SI: variants seen among roughly 807,000 people sequenced by gnomAD.
The protein encoded by SI is sucrase-isomaltase, intestinal.
In SI, 235 loss-of-function variants were observed where a neutral mutation model predicts 253.3. That is an observed-to-expected ratio of 0.93 (90% CI 0.83 to 1.03). SI has a LOEUF of 1.03. SI is among the 50% of genes least tolerant of loss of function. SI has a pLI of 0.00. For missense variants in SI, 2,442 were observed against 2,211.1 expected (o/e 1.10, Z -2.09); for synonymous variants, 819 against 712.0 (o/e 1.15, Z -2.39).
chr3:165,077,529 G>C lies in SI; in HGVS notation c.-1+904C>G, dbSNP rs140038509. On this transcript the variant is annotated intron_variant, in intron 1 of 47. Coordinates refer to ENST00000264382, the MANE Select transcript of SI (RefSeq NM_001041.4). Reference sequence around the variant, plus strand: ...ATTTATTCTTAGTATACAATTTTCTGTTCCAGATATGTAAGCTGTTTATTG... The same window carrying C: ...ATTTATTCTTAGTATACAATTTTCTCTTCCAGATATGTAAGCTGTTTATTG... Among the ~76,000 whole-genome samples, 301 of 151,716 alleles carry C rather than the reference G, an allele frequency of 2.0e-3. 7 individuals carry two copies. The highest frequency in any genetic ancestry group is 0.015 in the Admixed American group (233 of 15,176).
intron 25 of SI, among the ~76,000 whole-genome samples, chr3:165,025,188 A>G (rs1396308626): frequency 4.0e-5 from 6 of 151,164 alleles, no homozygotes; most frequent in Non-Finnish European, 1.5e-5. Flanking sequence ...ATGCTACCAC[A>G]TGGCCTTAAA....
intron 16 of SI, 100 bp from the exon 17 acceptor site, chr3:165,043,275 A>C (rs1712942467): frequency 2.6e-6 from 2 of 783,318 alleles, no homozygotes; most frequent in Admixed American, 4.3e-5. Context: ...CCTTATATAC[A>C]ATTTGTTTTA....
upstream of SI, among the ~76,000 whole-genome samples, chr3:165,078,668 A>G (rs1715155560): frequency 6.6e-6 from 1 of 151,662 alleles, no homozygotes; most frequent in Non-Finnish European, 1.5e-5. Flanking sequence ...TTAATTAGTA[A>G]TTGTACTGTC....
intron 3 of SI, among the ~76,000 whole-genome samples, chr3:165,071,117 C>T (rs970778848): frequency 3.9e-5 from 6 of 152,068 alleles, no homozygotes; most frequent in Non-Finnish European, 4.4e-5. Context: ...TAACTAATTG[C>T]TTCTGGAAAA....
chr3:165,055,544 T>C (rs1713655446), intron 12 of SI, among the ~76,000 whole-genome samples: 4 of 151,992 alleles, frequency 2.6e-5, no homozygotes, highest in South Asian at 2.1e-4. Flanking sequence ...TATCAGAACA[T>C]GGTATAAGGC....
In SI at chr3:165,045,997, C is replaced by T. The variant is rs563369869; in HGVS notation, c.1887+844G>A. Among the ~76,000 whole-genome samples the T allele has an allele frequency of 1.4e-3, 209 of 151,472 alleles. 1 individual carries two copies. The highest frequency in any genetic ancestry group is 5.0e-3 in the African/African-American group (205 of 41,298). ...TACAGGTGCCTGCCATCATGCCCGT[C>T]TTTTGGTATTTTTGGTAGAGACAGG... On this transcript the variant is annotated intron_variant, in intron 16 of 47. Transcript: ENST00000264382.
intron 37 of SI, among the ~76,000 whole-genome samples, chr3:165,004,555 A>G (rs1718411737): frequency 6.6e-6 from 1 of 152,182 alleles, no homozygotes; most frequent in African/African-American, 2.4e-5. Flanking sequence ...GTCCATCAAC[A>G]GATGATTAGA....
chr3:164,986,631 T>G (rs77931614), intron 45 of SI, among the ~76,000 whole-genome samples: 7,339 of 152,260 alleles, frequency 0.048, 601 homozygotes, highest in African/African-American at 0.17. Flanking sequence ...AGGTTCCTGT[T>G]TTACATAAAA....
chr3:165,050,153 C>T (rs1178822615), intron 13 of SI, among the ~76,000 whole-genome samples: 1 of 152,046 alleles, frequency 6.6e-6, no homozygotes, highest in Admixed American at 6.6e-5. Flanking sequence ...TAAGTCATTT[C>T]TAAATAGCTG....
chr3:164,980,925 T>C (rs1238214315), intron 47 of SI, among the ~76,000 whole-genome samples: 2 of 152,020 alleles, frequency 1.3e-5, no homozygotes, highest in Non-Finnish European at 2.9e-5. Flanking sequence ...CTTTATCTGA[T>C]TGAACATTGG....
intron 40 of SI, among the ~76,000 whole-genome samples, chr3:164,996,201 C>T (rs1234077825): frequency 2.0e-5 from 3 of 151,718 alleles, no homozygotes; most frequent in African/African-American, 7.3e-5. Context: ...TTACTATAGG[C>T]AGAGCACATC....
intron 24 of SI, 91 bp from the exon 25 acceptor site, chr3:165,030,958 T>TA (rs1219281255): frequency 6.2e-6 from 9 of 1,443,072 alleles, no homozygotes; most frequent in Non-Finnish European, 7.3e-6. Context: ...TTGGATGATT[T>TA]AAAAAAACAT....
At chr3:164,980,502 AC>A (rs1410029947) in intron 47 of SI, among the ~76,000 whole-genome samples, 1 of 151,894 alleles carries the variant, frequency 6.6e-6, no homozygotes, top group African/African-American at 2.4e-5. Flanking sequence ...AAAGAAATTG[AC>A]CATCCTCTCT....
chr3:165,079,827 A>T (rs879657042), upstream of SI, among the ~76,000 whole-genome samples: 4 of 151,974 alleles, frequency 2.6e-5, no homozygotes, highest in Non-Finnish European at 4.4e-5. Flanking sequence ...AGATAGCTAG[A>T]TTATCAATTA....
intron 15 of SI, among the ~76,000 whole-genome samples, chr3:165,048,582 T>TAGAG (rs773093036): frequency 0.025 from 2,783 of 111,556 alleles, 22 homozygotes; most frequent in Middle Eastern, 0.035. Context: ...TATATATATA[T>TAGAG]ATAGAGAGAG....
chr3:165,001,400 A>G (rs1295303928), intron 37 of SI, among the ~76,000 whole-genome samples: 2 of 151,488 alleles, frequency 1.3e-5, no homozygotes, highest in East Asian at 3.9e-4. Flanking sequence ...AATTTTCCCA[A>G]CTCACATTTC....
At chr3:164,996,167 C>T (rs2108134466) in intron 40 of SI, among the ~76,000 whole-genome samples, 1 of 151,852 alleles carries the variant, frequency 6.6e-6, no homozygotes, top group South Asian at 2.1e-4. Context: ...GATTTCACAG[C>T]ACATCACGAG....
rs528718377 is a variant in SI at position 164,991,100 on chromosome 3, C to A, written c.5108+253G>T. ...CACAGACCTCCTACATGTGCAACATCTGCCTGGGTCGCTCCATGTCATCCC... is the reference window on the plus strand; with the variant it reads ...CACAGACCTCCTACATGTGCAACATATGCCTGGGTCGCTCCATGTCATCCC... On this transcript the variant is annotated intron_variant, in intron 44 of 47. Coordinates refer to ENST00000264382, the MANE Select transcript of SI (RefSeq NM_001041.4). Among the ~76,000 whole-genome samples the A allele has an allele frequency of 2.6e-5, 4 of 152,154 alleles. No homozygotes were observed. The East Asian group carries it at 7.8e-4, about 29-fold the overall frequency.
chr3:165,086,292 T>C, the SI span, among the ~76,000 whole-genome samples: 5 of 152,054 alleles, frequency 3.3e-5, no homozygotes, highest in African/African-American at 1.2e-4. Context: ...AAAATCCATG[T>C]TACATGTCAC....
Sources: allele counts gnomAD v4.1 joint callset (sites outside exome capture counted in the v4.1 genomes callset), GRCh38; gene constraint gnomAD v4.1.1; transcripts MANE v1.5; gene names NCBI Gene and HGNC (gene_info 2026-07-23, HGNC 2026-07-21).